Variants in SF3B1 observed in about 807,000 individuals in gnomAD.
SF3B1 encodes the protein splicing factor 3b subunit 1, also known as pre-mRNA processing 10.
Under a neutral mutation model 153.8 loss-of-function variants are expected in SF3B1, and 12 were observed. The observed-to-expected ratio is 0.08, with a 90% CI of 0.05 to 0.13. The LOEUF (loss-of-function observed/expected upper bound fraction) is 0.13, where lower values mean the gene tolerates loss of function less well. Among genes scored for constraint, SF3B1 ranks in the 10% least tolerant of loss-of-function variants. SF3B1 has a pLI of 1.00. For synonymous variants in SF3B1, 498 were observed against 525.2 expected (o/e 0.95, Z 0.71); for missense variants, 513 against 1,606.1 (o/e 0.32, Z 11.63).
chr2:197,414,668 A>C (rs1382133379), intron 6 of SF3B1, among the ~76,000 whole-genome samples: 1 of 152,232 alleles, frequency 6.6e-6, no homozygotes, highest in Non-Finnish European at 1.5e-5. Flanking sequence ...AAAAGACTAG[A>C]AATTACATAA....
intron 11 of SF3B1, 99 bp downstream of exon 11, chr2:197,404,977 T>C: frequency 1.3e-6 from 1 of 787,070 alleles, no homozygotes; most frequent in Non-Finnish European, 2.0e-6. Context: ...GAGACCAGCC[T>C]GGGCAACATG....
chr2:197,434,912 A>G, intron 1 of SF3B1, 60 bp downstream of exon 1: 1 of 1,560,792 alleles, frequency 6.4e-7, no homozygotes, highest in African/African-American at 1.4e-5. Context: ...AATCCTAGGA[A>G]AAAAGGCTTT....
chr2:197,412,867 C>T (rs1031496502), intron 6 of SF3B1, among the ~76,000 whole-genome samples: 5 of 145,900 alleles, frequency 3.4e-5, no homozygotes, highest in Non-Finnish European at 6.0e-5. Flanking sequence ...ATCCCAGCTA[C>T]TTGGGAGGGT....
chr2:197,416,725 A>C lies in SF3B1; in HGVS notation c.666+16T>G. The stretch of plus-strand genomic sequence containing the variant: ...AAATTTTTTAACAGTAATAACAAAA[A>C]ACAAAAAGAAATTACCTCTGCCTGA... On this transcript the variant is annotated intron_variant, in intron 6 of 24. Coordinates refer to ENST00000335508, the MANE Select transcript of SF3B1 (RefSeq NM_012433.4). 6.3e-7 allele frequency: 1 copy of C among 1,595,700 alleles called. No homozygotes were observed. The highest frequency in any genetic ancestry group is 8.5e-7 in the Non-Finnish European group (1 of 1,173,526).
At chr2:197,423,369 CAAA>C (rs775495226) in intron 2 of SF3B1, among the ~76,000 whole-genome samples, 6 of 68,910 alleles carry the variant, frequency 8.7e-5, no homozygotes, top group Non-Finnish European at 9.0e-5. Flanking sequence ...GAGACTGTCT[CAAA>C]AAAAAAAAAA....
intron 20 of SF3B1, 80 bp downstream of exon 20, chr2:197,399,975 A>G (rs766456997): frequency 9.9e-6 from 10 of 1,007,794 alleles, no homozygotes; most frequent in South Asian, 1.5e-5. Context: ...CAACTCCTAA[A>G]TAAGATTTTA....
At chr2:197,431,920 C>T (rs1044533021) in intron 1 of SF3B1, among the ~76,000 whole-genome samples, 34 of 151,870 alleles carry the variant, frequency 2.2e-4, no homozygotes, top group African/African-American at 8.0e-4. Context: ...CCCAGGAGTT[C>T]GAGATCAGCC....
Position 197,409,920 on chromosome 2 carries a change from T to G in SF3B1, c.754A>C (p.Lys252Gln), listed in dbSNP as rs763348948. The G allele has an allele frequency of 6.2e-7, 1 of 1,614,186 alleles. No homozygotes were observed. The highest frequency in any genetic ancestry group is 8.5e-7 in the Non-Finnish European group (1 of 1,180,038). Residue 252 changes from lysine (K) to glutamine (Q), a missense_variant, in exon 7 of 25, where the codon AAA becomes CAA. Physicochemically the swap from Lys to Gln is moderately conservative, Grantham distance 53. Around this residue, in one of 21 missense-constraint regions of SF3B1, gnomAD observed 91 missense variants for 157.4 expected, o/e 0.58. Coordinates refer to ENST00000335508, the MANE Select transcript of SF3B1 (RefSeq NM_012433.4). ...TGGCTAGGTGTAGGATCCCATATTTTTGAGCCTGGGGTTGCTCCAGGAGTC... is the reference window on the plus strand; with the variant it reads ...TGGCTAGGTGTAGGATCCCATATTTGTGAGCCTGGGGTTGCTCCAGGAGTC... ...SETPGATPGSKIWDPTPSHTP... is the reference protein window; with the variant it reads ...SETPGATPGSQIWDPTPSHTP...
chr2:197,398,722 A>AGT, intron 20 of SF3B1, 141 bp from the exon 21 acceptor site: 2 of 756,078 alleles, frequency 2.6e-6, no homozygotes, highest in Non-Finnish European at 4.3e-6. Flanking sequence ...CCAGATTCTG[A>AGT]CCAGACTCAG....
At position 197,416,905 on chromosome 2, in the gene SF3B1, T is replaced by C; in HGVS notation, c.502A>G (p.Ile168Val). The change falls in exon 6 of 25, where the codon ATT (isoleucine) becomes GTT (valine). Residue 168 changes from isoleucine to valine, a missense_variant. Transcript: ENST00000335508. ...GCTTTTTCTGCTAGCTGTTGCCTAATTTCTCGCTGAAAAAAACAGTGAGTA... is the reference window on the plus strand; with the variant it reads ...GCTTTTTCTGCTAGCTGTTGCCTAACTTCTCGCTGAAAAAAACAGTGAGTA... ...EQHLTKEERE[I>V]RQQLAEKAKA... 6.2e-7 allele frequency: 1 copy of C among 1,610,722 alleles called. No individual in the cohort carries two copies. Among genetic ancestry groups the C allele is most frequent in the Non-Finnish European group, 8.5e-7 (1 of 1,178,444 alleles).
intron 4 of SF3B1, chr2:197,419,012 T>C (rs1391652450): frequency 8.3e-6 from 11 of 1,331,480 alleles, no homozygotes; most frequent in Non-Finnish European, 1.2e-5. Context: ...TTCAAAACAT[T>C]ACCTGTTGCA....
intron 5 of SF3B1, among the ~76,000 whole-genome samples, chr2:197,418,227 C>T (rs2085182104): frequency 4.4e-5 from 1 of 22,638 alleles, no homozygotes; most frequent in Non-Finnish European, 1.0e-4. Flanking sequence ...CAGAGTGAGA[C>T]TGTGTCCAAA....
chr2:197,398,456 C>T lies in SF3B1; in HGVS notation c.3134+5G>A. On this transcript the variant is annotated splice_donor_5th_base_variant and intron_variant, in intron 21 of 24. Coordinates refer to ENST00000335508, the MANE Select transcript of SF3B1 (RefSeq NM_012433.4). ...CTTATAAAAATGTGTGGGTAATCTG[C>T]TTACCTGTCAGCAATACGACCAACA... is the stretch of plus-strand genomic sequence containing the variant. The T allele has an allele frequency of 6.2e-7, 1 of 1,613,170 alleles. No homozygotes were observed. The highest frequency in any genetic ancestry group is 2.2e-5 in the East Asian group (1 of 44,824).
chr2:197,407,916 A>C (rs2085016050), intron 9 of SF3B1, 82 bp downstream of exon 9: 3 of 1,312,288 alleles, frequency 2.3e-6, no homozygotes, highest in African/African-American at 2.9e-5. Context: ...GGGCAAAGCC[A>C]ATGCAAGCTT....
chr2:197,416,719 A>G, intron 6 of SF3B1, 22 bp downstream of exon 6: 1 of 1,594,802 alleles, frequency 6.3e-7, no homozygotes, highest in Non-Finnish European at 8.5e-7. Flanking sequence ...AACAGTAATA[A>G]CAAAAAACAA....
At chr2:197,417,064 AGTCTGTGC>A (rs1209965711) in intron 5 of SF3B1, among the ~76,000 whole-genome samples, 153 bp from the exon 6 acceptor site, 1 of 152,186 alleles carries the variant, frequency 6.6e-6, no homozygotes, top group African/African-American at 2.4e-5. Context: ...CTGGTTCCAT[AGTCTGTGC>A]GTCTTTATTT....
In SF3B1 at chr2:197,401,873, A is replaced by G. The variant is rs903721116; in HGVS notation, c.2239T>C (p.Leu747=). 2 of 1,599,900 alleles carry G rather than the reference A, an allele frequency of 1.3e-6. No homozygotes were observed. The highest frequency in any genetic ancestry group is 1.7e-6 in the Non-Finnish European group (2 of 1,176,140). ...GGAATAAGATACCCAATAGCCTTCA[A>G]GAAAGCAGCCAAACCCTATTTTTAA... The part of the protein sequence containing the change: ...QHRGKGLAAF[L]KAIGYLIPLM... Residue 747 remains leucine (L), a synonymous_variant, in exon 16 of 25, where the codon TTG becomes CTG. Coordinates refer to ENST00000335508, the MANE Select transcript of SF3B1 (RefSeq NM_012433.4). The surrounding 1 kb of genome is among the most constrained non-coding windows in gnomAD (Gnocchi z 4.2).
At chr2:197,399,990 C>CGA in intron 20 of SF3B1, 65 bp downstream of exon 20, 3 of 1,117,246 alleles carry the variant, frequency 2.7e-6, no homozygotes, top group Non-Finnish European at 3.9e-6. Flanking sequence ...ATTTTACTTA[C>CGA]GAAAAAAAAA....
intron 1 of SF3B1, among the ~76,000 whole-genome samples, chr2:197,424,995 A>G (rs999243940): frequency 7.2e-5 from 11 of 152,138 alleles, no homozygotes; most frequent in African/African-American, 2.2e-4. Flanking sequence ...CCTCCTCTCC[A>G]GTAAAAATAC....
Sources: gnomAD v4.1 joint callset for allele counts (sites outside exome capture counted in the v4.1 genomes callset) on GRCh38, gnomAD v4.1.1 for gene constraint, gnomAD v4.1.1 regional missense constraint, Gnocchi (gnomAD v3.1) non-coding constraint, MANE v1.5 for transcripts, NCBI Gene and HGNC (gene_info 2026-07-23, HGNC 2026-07-21) for gene names.